Variants in ZNRF3 observed in about 807,000 individuals in gnomAD.
ZNRF3 encodes zinc and ring finger 3.
In ZNRF3, 23 loss-of-function variants were observed where a neutral mutation model predicts 72.5. The observed-to-expected ratio is 0.32, with a 90% CI of 0.23 to 0.45. ZNRF3 has a LOEUF of 0.45. Ranked by LOEUF, ZNRF3 falls within the 20% of genes least tolerant of loss-of-function variation. The probability of loss-of-function intolerance (pLI) is 1.00; values close to 1 mark genes in which losing one functional copy is unlikely to be tolerated. For missense variants in ZNRF3, 1,169 were observed against 1,272.1 expected (o/e 0.92, Z 1.23); for synonymous variants, 610 against 545.3 (o/e 1.12, Z -1.65).
At chr22:29,016,814 A>G (rs1601668688) in intron 2 of ZNRF3, among the ~76,000 whole-genome samples, 2 of 152,316 alleles carry the variant, frequency 1.3e-5, no homozygotes, top group Admixed American at 1.3e-4. Context: ...TCCTGTGTCA[A>G]GCACCTGTAG....
intron 2 of ZNRF3, among the ~76,000 whole-genome samples, chr22:29,023,916 G>A (rs1208654827): frequency 6.6e-6 from 1 of 152,048 alleles, no homozygotes; most frequent in Non-Finnish European, 1.5e-5. Context: ...TATTTGTGGG[G>A]GTTACATAGT....
chr22:28,962,859 A>G (rs962039350), intron 1 of ZNRF3, among the ~76,000 whole-genome samples: 1 of 152,236 alleles, frequency 6.6e-6, no homozygotes, highest in African/African-American at 2.4e-5. Context: ...GTGCAGTGTT[A>G]TAGGCAGGGG....
At chr22:28,922,236 A>G (rs2034524134) in intron 1 of ZNRF3, among the ~76,000 whole-genome samples, 1 of 152,190 alleles carries the variant, frequency 6.6e-6, no homozygotes, top group South Asian at 2.1e-4. Flanking sequence ...TTTACTTTAA[A>G]TCGGGTTACT....
At chr22:29,003,252 C>T (rs989575667) in intron 2 of ZNRF3, among the ~76,000 whole-genome samples, 1 of 152,186 alleles carries the variant, frequency 6.6e-6, no homozygotes, top group African/African-American at 2.4e-5. Context: ...CGCAGTGGCT[C>T]ATGTCTGTAA....
At chr22:28,937,745 T>TA (rs945844071) in intron 1 of ZNRF3, among the ~76,000 whole-genome samples, 68 of 152,322 alleles carry the variant, frequency 4.5e-4, no homozygotes, top group African/African-American at 1.6e-3. Flanking sequence ...TCTTCAGTCT[T>TA]ACCACTCGGG....
intron 1 of ZNRF3, among the ~76,000 whole-genome samples, chr22:28,900,105 C>T (rs1376862067): frequency 2.0e-5 from 3 of 152,078 alleles, no homozygotes; most frequent in Non-Finnish European, 2.9e-5. Context: ...ACCTCCCTTG[C>T]CCTCTGGTAA....
chr22:29,038,057 C>A lies in ZNRF3; in HGVS notation c.427-4438C>A, dbSNP rs193220478. On this transcript the variant is annotated intron_variant, in intron 2 of 8. Transcript: ENST00000544604. ...CTTTCATCCAACCATATCCACCAGGCTGCATCTTTCCCATCCTTTCTTTGA... is the reference window on the plus strand; with the variant it reads ...CTTTCATCCAACCATATCCACCAGGATGCATCTTTCCCATCCTTTCTTTGA... Among the ~76,000 whole-genome samples, 4 of 152,320 alleles carry A rather than the reference C, an allele frequency of 2.6e-5. No individual in the cohort carries two copies. The East Asian group carries it at 7.7e-4, about 29-fold the overall frequency.
intron 1 of ZNRF3, among the ~76,000 whole-genome samples, chr22:28,971,163 TG>T (rs569828174): frequency 6.6e-6 from 1 of 152,192 alleles, no homozygotes; most frequent in East Asian, 1.9e-4. Flanking sequence ...TACCCCAGCC[TG>T]GACAATAGAG....
At position 29,053,764 on chromosome 22, in the gene ZNRF3, C is replaced by A. The variant is rs2037252336; in HGVS notation, c.*142C>A. On this transcript the variant is annotated 3_prime_UTR_variant, in exon 9 of 9. Transcript: ENST00000544604. ...ATAAAGAGAGCCCTCCTTGTCAACCCAAAATGTGAGCCCCCTGTGGCAAAA... is the reference window on the plus strand; with the variant it reads ...ATAAAGAGAGCCCTCCTTGTCAACCAAAAATGTGAGCCCCCTGTGGCAAAA... The A allele has an allele frequency of 1.3e-6, 1 of 773,892 alleles. No homozygotes were observed. Among genetic ancestry groups the A allele is most frequent in the Non-Finnish European group, 2.0e-6 (1 of 497,814 alleles). 47.9% of individuals were successfully genotyped at this position (773,892 alleles called of 1,614,324 possible). A position where few individuals can be genotyped will look rare whatever the true frequency, so the allele number is the denominator to read the frequency against.
intron 1 of ZNRF3, among the ~76,000 whole-genome samples, chr22:28,969,661 G>C (rs577895635): frequency 1.1e-3 from 162 of 152,296 alleles, no homozygotes; most frequent in Middle Eastern, 3.4e-3. Flanking sequence ...ATTTTCCAGG[G>C]CTTCATAAGT....
intron 1 of ZNRF3, among the ~76,000 whole-genome samples, chr22:28,939,310 A>G (rs1215896182): frequency 2.0e-5 from 3 of 152,008 alleles, no homozygotes; most frequent in Non-Finnish European, 4.4e-5. Context: ...CAAAACCTCA[A>G]AATATACTTC....
At chr22:28,949,277 CTATT>C (rs2035111052) in intron 1 of ZNRF3, among the ~76,000 whole-genome samples, 1 of 150,782 alleles carries the variant, frequency 6.6e-6, no homozygotes, top group African/African-American at 2.4e-5. Flanking sequence ...AGCACCCAGC[CTATT>C]TATTTATTTT....
intron 1 of ZNRF3, among the ~76,000 whole-genome samples, chr22:28,913,985 A>C (rs949704271): frequency 5.3e-5 from 8 of 152,200 alleles, no homozygotes; most frequent in African/African-American, 1.7e-4. Flanking sequence ...ACTATGTGTG[A>C]AAGTCTCTTA....
chr22:28,924,362 GTGAC>G (rs994745979), intron 1 of ZNRF3, among the ~76,000 whole-genome samples: 3 of 152,178 alleles, frequency 2.0e-5, no homozygotes, highest in African/African-American at 7.2e-5. Flanking sequence ...TTGTTCTCAA[GTGAC>G]TTTCCTGAAA....
chr22:28,951,081 T>G (rs1292007429), intron 1 of ZNRF3, among the ~76,000 whole-genome samples: 2 of 152,220 alleles, frequency 1.3e-5, no homozygotes, highest in Non-Finnish European at 1.5e-5. Context: ...ACTTATTCCT[T>G]TATTGTGGTA....
Position 28,883,720 on chromosome 22 carries a change from A to C in ZNRF3, c.-47A>C, listed in dbSNP as rs2033709169. On this transcript the variant is annotated 5_prime_UTR_variant, in exon 1 of 9. Transcript: ENST00000544604. The surrounding 1 kb of genome is among the most constrained non-coding windows in gnomAD (Gnocchi z 5.5). ...GCGTTCGGTCCTCAGCCGGCCCGCG[A>C]CTATGCCCGGCCGCGCCCGCCCTCC... 1 of 981,544 alleles carries C rather than the reference A, an allele frequency of 1.0e-6. No homozygotes were observed. The highest frequency in any genetic ancestry group is 1.2e-6 in the Non-Finnish European group (1 of 828,364). 60.8% of individuals were successfully genotyped at this position (981,544 alleles called of 1,614,324 possible).
At chr22:29,028,469 C>A (rs543853457) in intron 2 of ZNRF3, among the ~76,000 whole-genome samples, 1 of 152,252 alleles carries the variant, frequency 6.6e-6, no homozygotes, top group African/African-American at 2.4e-5. Context: ...CTTGTGTTAC[C>A]AGGAAATATA....
chr22:28,950,861 G>A (rs1601594739), intron 1 of ZNRF3, among the ~76,000 whole-genome samples: 1 of 152,312 alleles, frequency 6.6e-6, no homozygotes, highest in East Asian at 1.9e-4. Flanking sequence ...CCGTAGCTGG[G>A]CCATTAATGT....
intron 2 of ZNRF3, among the ~76,000 whole-genome samples, chr22:29,005,650 C>T (rs952813816): frequency 6.6e-6 from 1 of 152,180 alleles, no homozygotes; most frequent in Non-Finnish European, 1.5e-5. Flanking sequence ...GAGCAGTTGC[C>T]CACCAGGCTT....
Sources: allele counts gnomAD v4.1 joint callset (sites outside exome capture counted in the v4.1 genomes callset), GRCh38; gene constraint gnomAD v4.1.1; non-coding constraint Gnocchi (gnomAD v3.1); transcripts MANE v1.5; gene names NCBI Gene and HGNC (gene_info 2026-07-23, HGNC 2026-07-21).